Variants in NRXN1 observed in about 807,000 individuals in gnomAD.
NRXN1 encodes the protein neurexin 1, also known as neurexin-1.
In NRXN1, 39 loss-of-function variants were observed where a neutral mutation model predicts 150.9. The observed-to-expected ratio is 0.26, with a 90% CI of 0.20 to 0.34. The LOEUF is 0.34. Ranked by LOEUF, NRXN1 falls within the 10% of genes least tolerant of loss-of-function variation. NRXN1 has a pLI of 1.00. For missense variants in NRXN1, 1,815 were observed against 1,949.9 expected (o/e 0.93, Z 1.30); for synonymous variants, 924 against 757.0 (o/e 1.22, Z -3.62).
intron 9 of NRXN1, among the ~76,000 whole-genome samples, chr2:50,541,452 TAC>T (rs1466774456): frequency 6.6e-6 from 1 of 152,192 alleles, no homozygotes; most frequent in Non-Finnish European, 1.5e-5. Flanking sequence ...AATCATTCAT[TAC>T]AGTTTGTCTG....
chr2:50,972,998 C>G (rs1216632050), intron 2 of NRXN1, among the ~76,000 whole-genome samples: 1 of 152,174 alleles, frequency 6.6e-6, no homozygotes, highest in Non-Finnish European at 1.5e-5. Flanking sequence ...GGATCTAGGA[C>G]TAAGAATTCA....
At chr2:50,321,915 T>C (rs1475854187) in intron 17 of NRXN1, among the ~76,000 whole-genome samples, 3 of 152,020 alleles carry the variant, frequency 2.0e-5, no homozygotes, top group Admixed American at 2.0e-4. Context: ...TTAATTTTTA[T>C]ATTTACTGTA....
intron 21 of NRXN1, among the ~76,000 whole-genome samples, chr2:50,024,940 C>G (rs570712388): frequency 6.6e-6 from 1 of 152,112 alleles, no homozygotes; most frequent in Non-Finnish European, 1.5e-5. Flanking sequence ...TTAGGTTACT[C>G]ACCTATAAAG....
At chr2:50,329,980 T>C (rs1260447406) in intron 17 of NRXN1, among the ~76,000 whole-genome samples, 2 of 151,842 alleles carry the variant, frequency 1.3e-5, no homozygotes, top group Non-Finnish European at 2.9e-5. Flanking sequence ...CCAGTGTTTA[T>C]AAAATTTTTA....
chr2:50,548,443 T>C (rs2093541613), intron 9 of NRXN1, among the ~76,000 whole-genome samples: 1 of 152,024 alleles, frequency 6.6e-6, no homozygotes, highest in African/African-American at 2.4e-5. Context: ...TAATGTAATT[T>C]AAATAAATGC....
intron 19 of NRXN1, among the ~76,000 whole-genome samples, chr2:50,080,704 T>C (rs1160696884): frequency 6.6e-6 from 1 of 152,170 alleles, no homozygotes; most frequent in Non-Finnish European, 1.5e-5. Context: ...TATGATCCTA[T>C]TTTGGAGAAC....
At chr2:50,723,686 C>G (rs1285733651) in intron 5 of NRXN1, among the ~76,000 whole-genome samples, 1 of 152,184 alleles carries the variant, frequency 6.6e-6, no homozygotes, top group African/African-American at 2.4e-5. Context: ...TACCTGAGAT[C>G]ATTTACAACC....
intron 5 of NRXN1, among the ~76,000 whole-genome samples, chr2:50,854,025 T>C (rs1360380898): frequency 6.6e-6 from 1 of 152,096 alleles, no homozygotes; most frequent in East Asian, 1.9e-4. Context: ...ATTTAAATGA[T>C]AACTACATTT....
At chr2:50,335,156 A>G (rs1021762385) in intron 17 of NRXN1, among the ~76,000 whole-genome samples, 14 of 152,250 alleles carry the variant, frequency 9.2e-5, no homozygotes, top group Non-Finnish European at 2.1e-4. Context: ...TTAAACATGG[A>G]TGTTAAGTTC....
At chr2:50,159,074 T>TTTG (rs35066147) in intron 18 of NRXN1, among the ~76,000 whole-genome samples, 16,512 of 151,778 alleles carry the variant, frequency 0.11, 1,010 homozygotes, top group Middle Eastern at 0.2. Context: ...TGAAAGTCTC[T>TTTG]TTGTTGTTGT....
At chr2:50,203,537 T>C (rs2062342231) in intron 18 of NRXN1, among the ~76,000 whole-genome samples, 1 of 152,168 alleles carries the variant, frequency 6.6e-6, no homozygotes, top group South Asian at 2.1e-4. Flanking sequence ...CCTTGCTCTC[T>C]TTGGATGCTG....
intron 17 of NRXN1, among the ~76,000 whole-genome samples, chr2:50,437,202 A>G (rs1470439162): frequency 6.6e-6 from 1 of 152,240 alleles, no homozygotes; most frequent in Admixed American, 6.5e-5. Flanking sequence ...AGACATAAGT[A>G]AGCAGTATAA....
chr2:50,536,463 C>G (rs1325653328), intron 10 of NRXN1, among the ~76,000 whole-genome samples: 8 of 152,146 alleles, frequency 5.3e-5, no homozygotes, highest in African/African-American at 1.9e-4. Flanking sequence ...TTCTCTCATC[C>G]TGGCTCTGAA....
chr2:50,669,484 C>A (rs1414862979), intron 5 of NRXN1, among the ~76,000 whole-genome samples: 1 of 151,854 alleles, frequency 6.6e-6, no homozygotes, highest in Non-Finnish European at 1.5e-5. Context: ...TATTTATTAT[C>A]CTCACTTGGA....
intron 5 of NRXN1, among the ~76,000 whole-genome samples, chr2:50,914,363 A>G (rs62142975): frequency 0.075 from 11,425 of 151,772 alleles, 486 homozygotes; most frequent in South Asian, 0.11. Context: ...GAAACTTTCC[A>G]TCACAAATTG....
chr2:50,098,890 TAC>T (rs1700642521), intron 18 of NRXN1, among the ~76,000 whole-genome samples: 3 of 107,698 alleles, frequency 2.8e-5, no homozygotes, highest in Admixed American at 1.3e-4. Context: ...TTTGGCTAGT[TAC>T]ATTTTGTAGC....
intron 5 of NRXN1, among the ~76,000 whole-genome samples, chr2:50,714,276 T>G (rs1351574286): frequency 6.6e-6 from 1 of 152,084 alleles, no homozygotes. Flanking sequence ...AGAGGCCAAA[T>G]GAAATCCTCA....
chr2:50,450,887 ACTTTCACTAGCAAATAT>A (rs962599180), intron 17 of NRXN1, among the ~76,000 whole-genome samples: 4 of 152,226 alleles, frequency 2.6e-5, no homozygotes, highest in African/African-American at 9.7e-5. Context: ...ATGAAAAGTT[ACTTTCACTAGCAAATAT>A]CTTTTTTCCT....
intron 17 of NRXN1, among the ~76,000 whole-genome samples, chr2:50,401,518 C>G (rs1558667233): frequency 6.6e-6 from 1 of 151,984 alleles, no homozygotes; most frequent in Non-Finnish European, 1.5e-5. Context: ...AAGATTCCTT[C>G]TAGATTTGAT....
Sources: allele counts gnomAD v4.1 joint callset (sites outside exome capture counted in the v4.1 genomes callset), GRCh38; gene constraint gnomAD v4.1.1; transcripts MANE v1.5; gene names NCBI Gene and HGNC (gene_info 2026-07-23, HGNC 2026-07-21).